The following RPS16 variants were observed in gnomAD, a reference collection of about 807,000 sequenced individuals.
The protein encoded by RPS16 is small ribosomal subunit protein uS9.
Under a neutral mutation model 20.1 loss-of-function variants are expected in RPS16, and 2 were observed. That is an observed-to-expected ratio of 0.10 (90% confidence interval 0.04 to 0.31). RPS16 has a LOEUF of 0.31. Ranked by LOEUF, RPS16 falls within the 10% of genes least tolerant of loss-of-function variation. The probability of loss-of-function intolerance (pLI) is 1.00; values close to 1 mark genes in which losing one functional copy is unlikely to be tolerated. For synonymous variants in RPS16, 95 were observed against 76.1 expected (o/e 1.25, Z -1.29); for missense variants, 129 against 198.6 (o/e 0.65, Z 2.11).
chr19:39,435,886 T>G lies in RPS16; in HGVS notation c.10A>C (p.Lys4Gln), dbSNP rs759412312. Residue 4 changes from lysine to glutamine, a missense_variant, in exon 1 of 5, where the codon AAG (lysine) becomes CAG (glutamine). Physicochemically the swap from Lys to Gln is moderately conservative, Grantham distance 53. Coordinates refer to ENST00000251453, the MANE Select transcript of RPS16 (RefSeq NM_001020.6). Reference sequence around the variant, plus strand: ...ACCTGCACAGACTGCAGCGGGCCCTTGGACGGCATGGCTCCGAGCGTGGAC... The same window carrying G: ...ACCTGCACAGACTGCAGCGGGCCCTGGGACGGCATGGCTCCGAGCGTGGAC... Reference protein sequence around the residue: MPSKGPLQSVQVFG... With the variant: MPSQGPLQSVQVFG... The G allele has an allele frequency of 1.9e-6, 3 of 1,606,132 alleles. No individual in the cohort carries two copies. Among genetic ancestry groups the G allele is most frequent in the Non-Finnish European group, 2.5e-6 (3 of 1,179,970 alleles).
rs372288421 is a variant in RPS16, at chr19:39,435,926, G to C, written c.-31C>G. ...CGAGCGTGGACTAGACAACCTCACC[G>C]CGCGGCGCCGCAACCGGAAAAGGAA... On this transcript the variant is annotated 5_prime_UTR_variant, in exon 1 of 5. Transcript: ENST00000251453. 1.2e-6 allele frequency: 2 copies of C among 1,602,230 alleles called. No homozygotes were observed. Among genetic ancestry groups the C allele is most frequent in the East Asian group, 2.2e-5 (1 of 44,888 alleles).
At chr19:39,435,206 G>A (rs1290843512) in intron 2 of RPS16, 1 of 183,656 alleles carries the variant, frequency 5.4e-6, no homozygotes, top group Non-Finnish European at 1.2e-5. Flanking sequence ...GGCTGAGGCA[G>A]GAGAATCGCT....
intron 2 of RPS16, 35 bp downstream of exon 2, chr19:39,435,572 T>TC: frequency 6.4e-7 from 1 of 1,560,546 alleles, no homozygotes. Flanking sequence ...CCAAGAGTCC[T>TC]CCATCCACTC....
chr19:39,435,487 A>T (rs912195001), intron 2 of RPS16, 120 bp downstream of exon 2: 1 of 750,836 alleles, frequency 1.3e-6, no homozygotes, highest in Non-Finnish European at 2.2e-6. Flanking sequence ...ACTGTTCTAC[A>T]CCCAACACAA....
chr19:39,433,388 T>C lies in RPS16; in HGVS notation c.326A>G (p.Lys109Arg). 1.2e-6 allele frequency: 2 copies of C among 1,614,128 alleles called. No homozygotes were observed. Among genetic ancestry groups the C allele is most frequent in the Non-Finnish European group, 1.7e-6 (2 of 1,180,016 alleles). ...CCGGTCATACTGGATGAGGATGTCT[T>C]TGATCTCCTTCTTGGAAGCCTCATC... ...YVDEASKKEI[K>R]DILIQYDRTL... Residue 109 changes from lysine to arginine, a missense_variant, in exon 5 of 5, where the codon AAA becomes AGA. Lys to Arg is a conservative substitution (Grantham distance 26). Around this residue, in one of 2 missense-constraint regions of RPS16, gnomAD observed 117 missense variants for 151.4 expected, o/e 0.77. Transcript: ENST00000251453.
rs1445609645 is a variant in RPS16 at position 39,435,679 on chromosome 19, T to C, written c.78A>G (p.Lys26=). ...TCACCTTGATGAGACCATTGCCGCG[T>C]TTGCAGTGCGCCACAGCTGTCGCTG... ...KKTATAVAHC[K]RGNGLIKVNG... The change falls in exon 2 of 5, where the codon AAA becomes AAG. Residue 26 remains lysine, a synonymous_variant. Transcript: ENST00000251453. 1 of 1,613,904 alleles carries C rather than the reference T, an allele frequency of 6.2e-7. No homozygotes were observed. Among genetic ancestry groups the C allele is most frequent in the Non-Finnish European group, 8.5e-7 (1 of 1,180,046 alleles).
At chr19:39,434,153 G>C in intron 2 of RPS16, 1 of 211,592 alleles carries the variant, frequency 4.7e-6, no homozygotes, top group Non-Finnish European at 9.8e-6. Context: ...GACTGTTCAG[G>C]TGCCTTTTCT....
At chr19:39,435,362 G>C (rs976097267) in intron 2 of RPS16, 5 of 502,310 alleles carry the variant, frequency 1.0e-5, no homozygotes, top group Non-Finnish European at 1.8e-5. Context: ...CCCCGCCCCA[G>C]TGAGGTGAGC....
At chr19:39,433,852 C>T (rs1600677838) in intron 2 of RPS16, 91 bp from the exon 3 acceptor site, 4 of 1,253,324 alleles carry the variant, frequency 3.2e-6, no homozygotes, top group East Asian at 5.0e-5. Flanking sequence ...GCTTCTGCCA[C>T]CACTGGCCTT....
chr19:39,433,803 G>A, intron 2 of RPS16, 42 bp from the exon 3 acceptor site: 1 of 1,595,336 alleles, frequency 6.3e-7, no homozygotes. Context: ...GTTACATGCT[G>A]GGCAGCTTAG....
intron 2 of RPS16, chr19:39,435,379 A>G: frequency 3.8e-6 from 2 of 525,524 alleles, no homozygotes; most frequent in East Asian, 3.1e-5. Flanking sequence ...GAGCTTCCTA[A>G]CATCCCAGTT....
chr19:39,433,825 G>GCTAA, intron 2 of RPS16, 64 bp from the exon 3 acceptor site: 1 of 1,513,112 alleles, frequency 6.6e-7, no homozygotes, highest in Non-Finnish European at 9.0e-7. Context: ...CATCTCACTG[G>GCTAA]GCTTCTTGTT....
chr19:39,433,591 A>C (rs2078842472), intron 3 of RPS16, 22 bp from the exon 4 acceptor site: 2 of 1,614,162 alleles, frequency 1.2e-6, no homozygotes, highest in Admixed American at 3.3e-5. Context: ...ACACACAATT[A>C]AAGGGTACAG....
At position 39,435,603 on chromosome 19, in the gene RPS16, G is replaced by C. The variant is rs752961449; in HGVS notation, c.150+4C>G. Reference sequence around the variant, plus strand: ...CACTCAACGCCGGTGCCGGATCCCAGCACCTTGTACTGTAGCGTGCGCGGC... The same window carrying C: ...CACTCAACGCCGGTGCCGGATCCCACCACCTTGTACTGTAGCGTGCGCGGC... On this transcript the variant is annotated splice_donor_region_variant and intron_variant, in intron 2 of 4. Coordinates refer to ENST00000251453, the MANE Select transcript of RPS16 (RefSeq NM_001020.6). 8.7e-6 allele frequency: 14 copies of C among 1,611,944 alleles called. No homozygotes were observed. Among genetic ancestry groups the C allele is most frequent in the Non-Finnish European group, 1.1e-5 (13 of 1,178,956 alleles).
In RPS16 at chr19:39,433,655, T is replaced by C; in HGVS notation, c.247+10A>G. 1 of 1,614,224 alleles carries C rather than the reference T, an allele frequency of 6.2e-7. No individual in the cohort carries two copies. Among genetic ancestry groups the C allele is most frequent in the Non-Finnish European group, 8.5e-7 (1 of 1,180,034 alleles). ...CCACCTCCTCCATGCGCCCAGTTCC[T>C]GGGACTCACCATAAATCTGGGCCAC... On this transcript the variant is annotated intron_variant, in intron 3 of 4. Coordinates refer to ENST00000251453, the MANE Select transcript of RPS16 (RefSeq NM_001020.6).
At chr19:39,435,361 A>G in intron 2 of RPS16, 1 of 502,304 alleles carries the variant, frequency 2.0e-6, no homozygotes, top group East Asian at 3.1e-5. Context: ...CCCCCGCCCC[A>G]GTGAGGTGAG....
At position 39,433,207 on chromosome 19, in the gene RPS16, T is replaced by A; in HGVS notation, c.*66A>T. 1 of 1,535,240 alleles carries A rather than the reference T, an allele frequency of 6.5e-7. No individual in the cohort carries two copies. Among genetic ancestry groups the A allele is most frequent in the South Asian group, 1.1e-5 (1 of 87,696 alleles). On this transcript the variant is annotated 3_prime_UTR_variant, in exon 5 of 5. Coordinates refer to ENST00000251453, the MANE Select transcript of RPS16 (RefSeq NM_001020.6). ...TACCAACACATAAGGCCACACACAG[T>A]TCTTGAAACTTTAAAATCCCTCAAA... is the stretch of plus-strand genomic sequence containing the variant.
rs772439833 is a variant in RPS16 at position 39,435,905 on chromosome 19, C to T, written c.-10G>A. 1 of 1,604,338 alleles carries T rather than the reference C, an allele frequency of 6.2e-7. No homozygotes were observed. ...GGCCCTTGGACGGCATGGCTCCGAGCGTGGACTAGACAACCTCACCGCGCG... is the reference window on the plus strand; with the variant it reads ...GGCCCTTGGACGGCATGGCTCCGAGTGTGGACTAGACAACCTCACCGCGCG... On this transcript the variant is annotated 5_prime_UTR_variant, in exon 1 of 5. Transcript: ENST00000251453.
chr19:39,434,023 C>G, intron 2 of RPS16: 1 of 459,000 alleles, frequency 2.2e-6, no homozygotes, highest in South Asian at 2.1e-5. Context: ...ACTTGTGTCC[C>G]TCACTGGACC....
Sources: gnomAD v4.1 joint callset for allele counts on GRCh38, gnomAD v4.1.1 for gene constraint, gnomAD v4.1.1 regional missense constraint, MANE v1.5 for transcripts, NCBI Gene and HGNC (gene_info 2026-07-23, HGNC 2026-07-21) for gene names.